MAGI1: variants seen among roughly 807,000 people sequenced by gnomAD.
The protein encoded by MAGI1 is membrane associated guanylate kinase, WW and PDZ domain containing 1.
Under a neutral mutation model 139.9 loss-of-function variants are expected in MAGI1, and 58 were observed. That is an observed-to-expected ratio of 0.41 (90% CI 0.34 to 0.52). MAGI1 has a LOEUF of 0.52. MAGI1 is among the 20% of genes least tolerant of loss of function. The pLI, the probability that MAGI1 is intolerant of heterozygous loss-of-function variation, is 0.12. For missense variants in MAGI1, 1,874 were observed against 1,901.6 expected (o/e 0.99, Z 0.27); for synonymous variants, 812 against 737.9 (o/e 1.10, Z -1.63).
rs1003593988 is a variant in MAGI1, at chr3:65,687,844, C to T, written c.314-65756G>A. The stretch of plus-strand genomic sequence containing the variant: ...GTGAAGACTGTCATTACAACAGTGC[C>T]ACCCAGTCTTCCAAAACTGGACCCA... On this transcript the variant is annotated intron_variant, in intron 1 of 22. Transcript: ENST00000402939. The T allele has an allele frequency of 6.5e-6, 4 of 613,060 alleles. No individual in the cohort carries two copies. In the African/African-American group the frequency reaches 7.4e-5, roughly 11 times the overall value. 38.0% of individuals were successfully genotyped at this position (613,060 alleles called of 1,614,324 possible).
intron 1 of MAGI1, among the ~76,000 whole-genome samples, chr3:65,869,271 A>G (rs76359799): frequency 6.8e-6 from 1 of 148,010 alleles, no homozygotes. Context: ...AAAAAAAAAA[A>G]CAACAACTAA....
In MAGI1 at chr3:65,603,250, T is replaced by C. The variant is rs1463416050; in HGVS notation, c.430+18722A>G. ...TACTTTCCATACTGTTTATTATATA[T>C]TTTCTACAGGTTCATACATATTAAG... On this transcript the variant is annotated intron_variant, in intron 2 of 22. Transcript: ENST00000402939. 2.0e-5 allele frequency among the ~76,000 whole-genome samples: 3 copies of C among 152,140 alleles called. No homozygotes were observed. In the East Asian group the frequency reaches 5.8e-4, roughly 29 times the overall value.
At chr3:65,679,266 T>C (rs1006986245) in intron 1 of MAGI1, among the ~76,000 whole-genome samples, 2 of 152,204 alleles carry the variant, frequency 1.3e-5, no homozygotes, top group Non-Finnish European at 2.9e-5. Context: ...GGTCTTAAAA[T>C]CCAGCACTCA....
intron 2 of MAGI1, among the ~76,000 whole-genome samples, chr3:65,541,815 T>C (rs1282635442): frequency 1.3e-5 from 2 of 152,134 alleles, no homozygotes; most frequent in Non-Finnish European, 2.9e-5. Context: ...ACAAATATCA[T>C]GTTGAATGGG....
chr3:65,944,675 A>C (rs2063473145), intron 1 of MAGI1, among the ~76,000 whole-genome samples: 3 of 152,204 alleles, frequency 2.0e-5, no homozygotes, highest in Non-Finnish European at 4.4e-5. Context: ...AGTCCTTTGG[A>C]TATTAGATCT....
chr3:66,008,832 C>A, intron 1 of MAGI1: 1 of 152,492 alleles, frequency 6.6e-6, no homozygotes, highest in Non-Finnish European at 1.5e-5. Flanking sequence ...AGGGGCCAGA[C>A]CATGAGGGCT....
intron 2 of MAGI1, among the ~76,000 whole-genome samples, chr3:65,535,186 G>A (rs2078905384): frequency 6.6e-6 from 1 of 152,148 alleles, no homozygotes; most frequent in Non-Finnish European, 1.5e-5. Context: ...AAGGAAGTCT[G>A]ATGATAGTGG....
intron 2 of MAGI1, chr3:65,620,098 C>CA (rs1307486416): frequency 2.0e-5 from 9 of 442,704 alleles, no homozygotes; most frequent in Non-Finnish European, 2.4e-5. Context: ...GAGAGCATGC[C>CA]AAAATGTAAC....
chr3:66,035,479 C>T (rs1169165170), intron 1 of MAGI1, among the ~76,000 whole-genome samples: 2 of 152,138 alleles, frequency 1.3e-5, no homozygotes, highest in Non-Finnish European at 2.9e-5. Flanking sequence ...CAATCTAAAT[C>T]ATATTCTCAA....
At chr3:65,747,519 A>T (rs1270150488) in intron 1 of MAGI1, among the ~76,000 whole-genome samples, 1 of 152,222 alleles carries the variant, frequency 6.6e-6, no homozygotes, top group African/African-American at 2.4e-5. Context: ...TAATTTTTTT[A>T]AATGAATTAA....
chr3:65,884,685 T>C (rs1326850888), intron 1 of MAGI1, among the ~76,000 whole-genome samples: 1 of 152,126 alleles, frequency 6.6e-6, no homozygotes, highest in East Asian at 1.9e-4. Context: ...CTTCCAATGA[T>C]CCTGTCACCC....
At chr3:66,029,163 C>A (rs933161712) in intron 1 of MAGI1, among the ~76,000 whole-genome samples, 1 of 152,178 alleles carries the variant, frequency 6.6e-6, no homozygotes, top group Admixed American at 6.5e-5. Flanking sequence ...CCCAAGCCAA[C>A]CTTGGGTCCA....
chr3:65,837,281 G>A (rs904715830), intron 1 of MAGI1, among the ~76,000 whole-genome samples: 1 of 152,152 alleles, frequency 6.6e-6, no homozygotes, highest in Non-Finnish European at 1.5e-5. Flanking sequence ...CTCCATCAGG[G>A]CTGTCATTTC....
chr3:65,779,376 G>T (rs1038003941), intron 1 of MAGI1, among the ~76,000 whole-genome samples: 1 of 152,244 alleles, frequency 6.6e-6, no homozygotes, highest in Non-Finnish European at 1.5e-5. Context: ...CCCAAGGTAA[G>T]AAGGGCCGGG....
intron 13 of MAGI1, among the ~76,000 whole-genome samples, chr3:65,394,633 C>T (rs1301422335): frequency 2.0e-5 from 3 of 152,006 alleles, no homozygotes; most frequent in Admixed American, 6.5e-5. Context: ...CTTGTGGGCA[C>T]TCTGGATTTT....
intron 1 of MAGI1, among the ~76,000 whole-genome samples, chr3:65,656,316 C>T (rs1025853904): frequency 1.3e-5 from 2 of 152,164 alleles, no homozygotes; most frequent in East Asian, 1.9e-4. Context: ...GCCTGTGACA[C>T]TGAACTGGCA....
intron 2 of MAGI1, among the ~76,000 whole-genome samples, chr3:65,565,852 G>C (rs1323249294): frequency 8.3e-6 from 1 of 120,478 alleles, no homozygotes; most frequent in Admixed American, 9.0e-5. Flanking sequence ...GCGAGACTCC[G>C]TGTCAAAAAA....
intron 2 of MAGI1, among the ~76,000 whole-genome samples, chr3:65,574,249 A>G (rs1474067773): frequency 2.0e-5 from 3 of 151,094 alleles, no homozygotes; most frequent in Non-Finnish European, 4.4e-5. Flanking sequence ...ATGTATATAT[A>G]TATACATACA....
At chr3:65,887,010 CT>C (rs1362527052) in intron 1 of MAGI1, among the ~76,000 whole-genome samples, 1 of 152,130 alleles carries the variant, frequency 6.6e-6, no homozygotes, top group Non-Finnish European at 1.5e-5. Flanking sequence ...ATGTCAAAGG[CT>C]TCTGTGCAAA....
Sources: gnomAD v4.1 joint callset for allele counts (sites outside exome capture counted in the v4.1 genomes callset) on GRCh38, gnomAD v4.1.1 for gene constraint, MANE v1.5 for transcripts, NCBI Gene and HGNC (gene_info 2026-07-23, HGNC 2026-07-21) for gene names.